The following ADCY2 variants were observed in gnomAD, a reference collection of about 807,000 sequenced individuals.
ADCY2 encodes adenylate cyclase type 2.
A neutral mutation model predicts 125.2 loss-of-function variants in ADCY2; 31 were observed. The ratio of observed to expected loss-of-function variants is 0.25; its 90% CI spans 0.19 to 0.33. The LOEUF is 0.33. Among genes scored for constraint, ADCY2 ranks in the 10% least tolerant of loss-of-function variants. The pLI, the probability that ADCY2 is intolerant of heterozygous loss-of-function variation, is 1.00. For missense variants in ADCY2, 904 were observed against 1,418.2 expected (o/e 0.64, Z 5.82); for synonymous variants, 512 against 548.4 (o/e 0.93, Z 0.93).
intron 4 of ADCY2, among the ~76,000 whole-genome samples, chr5:7,653,594 G>A (rs1055917877): frequency 6.6e-5 from 10 of 151,182 alleles, no homozygotes; most frequent in African/African-American, 1.2e-4. Context: ...GTGACAGAGC[G>A]AGACTCTGTC....
At chr5:7,812,439 G>C (rs180944209) in intron 22 of ADCY2, among the ~76,000 whole-genome samples, 35 of 152,286 alleles carry the variant, frequency 2.3e-4, no homozygotes, top group African/African-American at 7.2e-4. Flanking sequence ...AGAGGGAAAA[G>C]TACCACACTT....
intron 1 of ADCY2, among the ~76,000 whole-genome samples, chr5:7,404,657 G>A (rs979973405): frequency 1.3e-5 from 2 of 152,196 alleles, no homozygotes; most frequent in African/African-American, 4.8e-5. Flanking sequence ...TTATTGGCCA[G>A]AGTAAATGTT....
intron 1 of ADCY2, among the ~76,000 whole-genome samples, chr5:7,408,438 G>A (rs1227282852): frequency 4.0e-5 from 6 of 151,738 alleles, no homozygotes; most frequent in Admixed American, 3.9e-4. Flanking sequence ...CACAATCTCG[G>A]CTCACTGCAA....
chr5:7,814,051 T>C (rs1325665419), intron 22 of ADCY2, among the ~76,000 whole-genome samples: 1 of 152,088 alleles, frequency 6.6e-6, no homozygotes, highest in Non-Finnish European at 1.5e-5. Context: ...TGAGCTATGA[T>C]AGAAAAGACT....
intron 2 of ADCY2, among the ~76,000 whole-genome samples, chr5:7,426,242 T>C (rs1740381379): frequency 6.6e-6 from 1 of 152,204 alleles, no homozygotes. Flanking sequence ...GAATATTGAG[T>C]TCTCATCGTT....
chr5:7,409,067 A>C (rs59988200), intron 1 of ADCY2, among the ~76,000 whole-genome samples: 6,017 of 152,310 alleles, frequency 0.04, 398 homozygotes, highest in African/African-American at 0.14. Flanking sequence ...CAACAAGATC[A>C]TGTCCATTGC....
chr5:7,609,895 G>A (rs184283122), intron 3 of ADCY2, among the ~76,000 whole-genome samples: 2 of 152,166 alleles, frequency 1.3e-5, no homozygotes, highest in Non-Finnish European at 2.9e-5. Flanking sequence ...TCCACACAGG[G>A]AGAGAGCCAG....
chr5:7,513,078 GAC>G (rs142515106), intron 2 of ADCY2, among the ~76,000 whole-genome samples: 53 of 124,064 alleles, frequency 4.3e-4, no homozygotes, highest in Middle Eastern at 4.1e-3. Context: ...GAAAATACAT[GAC>G]ACACACACAC....
chr5:7,465,183 G>T (rs1364990941), intron 2 of ADCY2, among the ~76,000 whole-genome samples: 1 of 152,158 alleles, frequency 6.6e-6, no homozygotes, highest in Non-Finnish European at 1.5e-5. Context: ...GATTTGGGTG[G>T]CGACACAGCC....
rs142137975 is a variant in ADCY2, at chr5:7,508,207, G to A, written c.409-12531G>A. Among the ~76,000 whole-genome samples the A allele has an allele frequency of 2.6e-4, 40 of 152,220 alleles. No homozygotes were observed. In the East Asian group the frequency reaches 3.7e-3, roughly 14 times the overall value. ...GCCTAAGTCCTTCTTTGCCAGTCAC[G>A]AGCATAATTACCAATTTTTAGGTTT... On this transcript the variant is annotated intron_variant, in intron 2 of 24. Coordinates refer to ENST00000338316, the MANE Select transcript of ADCY2 (RefSeq NM_020546.3).
At chr5:7,545,295 T>C (rs1364241826) in intron 3 of ADCY2, among the ~76,000 whole-genome samples, 1 of 152,188 alleles carries the variant, frequency 6.6e-6, no homozygotes, top group Admixed American at 6.5e-5. Flanking sequence ...CTGGGAACCA[T>C]ATTGGATTTA....
intron 4 of ADCY2, among the ~76,000 whole-genome samples, chr5:7,629,116 T>G (rs1406018218): frequency 6.6e-6 from 1 of 152,236 alleles, no homozygotes; most frequent in Admixed American, 6.5e-5. Context: ...ACAGTTTCAG[T>G]CATTGTTTAG....
At chr5:7,578,336 G>T (rs1254831441) in intron 3 of ADCY2, among the ~76,000 whole-genome samples, 4 of 152,156 alleles carry the variant, frequency 2.6e-5, no homozygotes, top group Non-Finnish European at 5.9e-5. Context: ...GAAGTCTTGA[G>T]TGTGTTTCCA....
At position 7,569,513 on chromosome 5, in the gene ADCY2, A is replaced by G. The variant is rs143932696; in HGVS notation, c.570+48614A>G. Reference sequence around the variant, plus strand: ...TGAGGAACATGCCTATTCACCTGTCATCGACACACTCCACAGCTGCTGCCC... The same window carrying G: ...TGAGGAACATGCCTATTCACCTGTCGTCGACACACTCCACAGCTGCTGCCC... On this transcript the variant is annotated intron_variant, in intron 3 of 24. Transcript: ENST00000338316. Among the ~76,000 whole-genome samples the G allele has an allele frequency of 5.9e-5, 9 of 152,302 alleles. No homozygotes were observed. The East Asian group carries it at 1.7e-3, about 29-fold the overall frequency.
At chr5:7,826,104 A>G (rs780978502) in intron 24 of ADCY2, among the ~76,000 whole-genome samples, 1 of 152,176 alleles carries the variant, frequency 6.6e-6, no homozygotes, top group Non-Finnish European at 1.5e-5. Flanking sequence ...TCATGCGGAC[A>G]CCAGTGCAAA....
intron 16 of ADCY2, among the ~76,000 whole-genome samples, chr5:7,764,656 T>C (rs1743327536): frequency 6.6e-6 from 1 of 152,244 alleles, no homozygotes; most frequent in Non-Finnish European, 1.5e-5. Flanking sequence ...TAGGATGTTT[T>C]GAACAGATTG....
chr5:7,671,517 A>G (rs1024760287), intron 4 of ADCY2, among the ~76,000 whole-genome samples: 1 of 152,258 alleles, frequency 6.6e-6, no homozygotes, highest in East Asian at 1.9e-4. Flanking sequence ...AGTTCTCTCC[A>G]TCAAAGAGCT....
At chr5:7,561,268 C>T (rs1217899462) in intron 3 of ADCY2, among the ~76,000 whole-genome samples, 1 of 152,120 alleles carries the variant, frequency 6.6e-6, no homozygotes, top group African/African-American at 2.4e-5. Context: ...CATCGTTAGG[C>T]AATTTCATCA....
chr5:7,724,186 GATTTC>G (rs1741861852), intron 12 of ADCY2, among the ~76,000 whole-genome samples: 2 of 147,720 alleles, frequency 1.4e-5, no homozygotes, highest in African/African-American at 5.0e-5. Context: ...ACCACTGTGT[GATTTC>G]GGAAAAACAT....
Sources: gnomAD v4.1 joint callset for allele counts (sites outside exome capture counted in the v4.1 genomes callset) on GRCh38, gnomAD v4.1.1 for gene constraint, MANE v1.5 for transcripts, NCBI Gene and HGNC (gene_info 2026-07-23, HGNC 2026-07-21) for gene names.